Variants in PPTC7 observed in about 807,000 individuals in gnomAD.
The protein encoded by PPTC7 is protein phosphatase targeting COQ7.
A neutral mutation model predicts 30.8 loss-of-function variants in PPTC7; 6 were observed. The observed-to-expected ratio is 0.19, with a 90% CI of 0.11 to 0.38. The LOEUF is 0.38. Among genes scored for constraint, PPTC7 ranks in the 10% least tolerant of loss-of-function variants. The probability of loss-of-function intolerance (pLI) is 1.00; values close to 1 mark genes in which losing one functional copy is unlikely to be tolerated. For missense variants in PPTC7, 218 were observed against 404.8 expected, an observed-to-expected ratio of 0.54 and a Z score of 3.96; for synonymous variants, 163 against 168.1, an observed-to-expected ratio of 0.97 and a Z score of 0.23.
intron 1 of PPTC7, among the ~76,000 whole-genome samples, chr12:110,577,872 C>T (rs2064602473): frequency 6.6e-6 from 1 of 152,102 alleles, no homozygotes; most frequent in African/African-American, 2.4e-5. Flanking sequence ...TTTTGTTGCA[C>T]ATCAGTTATG....
At chr12:110,556,535 A>G (rs887227423) in intron 1 of PPTC7, among the ~76,000 whole-genome samples, 1 of 152,248 alleles carries the variant, frequency 6.6e-6, no homozygotes, top group African/African-American at 2.4e-5. Flanking sequence ...CCCTTTAAAC[A>G]GTGGAACTGA....
chr12:110,535,741 A>G lies in PPTC7; in HGVS notation c.*1296T>C, dbSNP rs1189675018. Reference sequence around the variant, plus strand: ...GTTAATGAAGGAAAAAAACTGACCCAAAAATATATATCTTTACAGCAGTCA... The same window carrying G: ...GTTAATGAAGGAAAAAAACTGACCCGAAAATATATATCTTTACAGCAGTCA... On this transcript the variant is annotated 3_prime_UTR_variant, in exon 6 of 6. Coordinates refer to ENST00000354300, the MANE Select transcript of PPTC7 (RefSeq NM_139283.2). The G allele has an allele frequency of 1.3e-5, 2 of 152,650 alleles. No homozygotes were observed. Among genetic ancestry groups the G allele is most frequent in the Admixed American group, 6.5e-5 (1 of 15,288 alleles). The allele number at this position is 152,650 out of a possible 1,614,324, so 9.5% of individuals were successfully genotyped here. A position where few individuals can be genotyped will look rare whatever the true frequency, so the allele number is the denominator to read the frequency against.
intron 1 of PPTC7, among the ~76,000 whole-genome samples, chr12:110,576,580 G>T (rs1462702916): frequency 6.6e-6 from 1 of 152,222 alleles, no homozygotes; most frequent in Non-Finnish European, 1.5e-5. Context: ...CAACATGGAT[G>T]AACTCTGAAA....
chr12:110,538,294 G>A, intron 4 of PPTC7, 21 bp from the exon 5 acceptor site: 1 of 1,609,504 alleles, frequency 6.2e-7, no homozygotes, highest in Non-Finnish European at 8.5e-7. Context: ...GCATGAGGAA[G>A]TTATTTTACC....
intron 1 of PPTC7, 66 bp downstream of exon 1, chr12:110,582,743 C>T: frequency 7.4e-7 from 1 of 1,358,472 alleles, no homozygotes; most frequent in African/African-American, 1.5e-5. Flanking sequence ...CTGGGGAAGC[C>T]CCGCGCGGGG....
chr12:110,566,263 A>T (rs780215585), intron 1 of PPTC7, among the ~76,000 whole-genome samples: 31 of 152,336 alleles, frequency 2.0e-4, no homozygotes, highest in Non-Finnish European at 3.8e-4. Flanking sequence ...AAACCCCTTA[A>T]TTAAAACAAA....
At chr12:110,546,177 A>T in intron 2 of PPTC7, 99 bp from the exon 3 acceptor site, 1 of 943,762 alleles carries the variant, frequency 1.1e-6, no homozygotes. Flanking sequence ...CCATAATTTC[A>T]ATCTCCTTTG....
intron 1 of PPTC7, among the ~76,000 whole-genome samples, chr12:110,560,152 C>A (rs1260710273): frequency 6.6e-6 from 1 of 152,074 alleles, no homozygotes; most frequent in Non-Finnish European, 1.5e-5. Context: ...GTAATCCCAG[C>A]ATATTGGGAG....
At chr12:110,580,908 C>T (rs1175083400) in intron 1 of PPTC7, among the ~76,000 whole-genome samples, 4 of 152,094 alleles carry the variant, frequency 2.6e-5, no homozygotes, top group African/African-American at 7.2e-5. Context: ...TGCGCCATCA[C>T]GCCCGGCTAA....
chr12:110,567,126 C>T (rs923780200), intron 1 of PPTC7, among the ~76,000 whole-genome samples: 2 of 152,142 alleles, frequency 1.3e-5, no homozygotes, highest in Admixed American at 6.5e-5. Context: ...TCTTTTCTTC[C>T]CCTGTACATT....
intron 1 of PPTC7, among the ~76,000 whole-genome samples, chr12:110,566,498 C>T (rs570522037): frequency 6.6e-6 from 1 of 152,158 alleles, no homozygotes; most frequent in Non-Finnish European, 1.5e-5. Context: ...TGAATGGAGT[C>T]GTATCCTCGA....
At chr12:110,548,106 CAA>C (rs779977311) in intron 2 of PPTC7, among the ~76,000 whole-genome samples, 17 of 109,582 alleles carry the variant, frequency 1.6e-4, no homozygotes, top group Non-Finnish European at 1.5e-4. Flanking sequence ...GACTCTGTCT[CAA>C]AAAAAAAAAA....
intron 1 of PPTC7, among the ~76,000 whole-genome samples, chr12:110,571,170 T>C (rs201334360): frequency 3.7e-4 from 55 of 149,220 alleles, no homozygotes; most frequent in South Asian, 1.1e-3. Context: ...AAAAGTAAAA[T>C]TAAAAGTAAA....
intron 1 of PPTC7, among the ~76,000 whole-genome samples, 191 bp from the exon 2 acceptor site, chr12:110,552,159 A>C (rs1326992629): frequency 1.3e-5 from 2 of 152,218 alleles, no homozygotes; most frequent in African/African-American, 4.8e-5. Context: ...CACTACTTAG[A>C]ATTTGGCCTT....
intron 3 of PPTC7, among the ~76,000 whole-genome samples, chr12:110,541,022 G>T (rs557121320): frequency 1.3e-5 from 2 of 151,158 alleles, no homozygotes; most frequent in East Asian, 4.1e-4. Context: ...TGATCTGCCC[G>T]CCTTGGCCTC....
intron 1 of PPTC7, among the ~76,000 whole-genome samples, chr12:110,562,701 G>A (rs572462188): frequency 2.0e-5 from 3 of 151,896 alleles, no homozygotes; most frequent in South Asian, 2.1e-4. Context: ...ACTGAGGCAG[G>A]AGAATCGCTT....
rs1444574885 is a variant in PPTC7, at chr12:110,534,168, A to G, written c.*2869T>C. 1 of 152,076 alleles carries G rather than the reference A, an allele frequency of 6.6e-6. No homozygotes were observed. The highest frequency in any genetic ancestry group is 1.5e-5 in the Non-Finnish European group (1 of 68,008). 9.4% of individuals were successfully genotyped at this position (152,076 alleles called of 1,614,324 possible). A position where few individuals can be genotyped will look rare whatever the true frequency, so the allele number is the denominator to read the frequency against. On this transcript the variant is annotated 3_prime_UTR_variant, in exon 6 of 6. Transcript: ENST00000354300. ...CAGGCAGCTTAAGTTCATAGGAAGA[A>G]ATAAGGTTCTGATATGTTTAGAGTG...
At chr12:110,571,248 A>C (rs2064534136) in intron 1 of PPTC7, among the ~76,000 whole-genome samples, 1 of 152,032 alleles carries the variant, frequency 6.6e-6, no homozygotes. Flanking sequence ...TCTACAAAAA[A>C]TCTAATCAAG....
chr12:110,579,890 G>C (rs1391516667), intron 1 of PPTC7, among the ~76,000 whole-genome samples: 1 of 152,076 alleles, frequency 6.6e-6, no homozygotes, highest in Admixed American at 6.6e-5. Flanking sequence ...GCGCGCGCCT[G>C]TAATCCCAGC....
Sources: allele counts gnomAD v4.1 joint callset (sites outside exome capture counted in the v4.1 genomes callset), GRCh38; gene constraint gnomAD v4.1.1; transcripts MANE v1.5; gene names NCBI Gene and HGNC (gene_info 2026-07-23, HGNC 2026-07-21).